The following AFAP1 variants were observed in gnomAD, a reference collection of about 807,000 sequenced individuals.
AFAP1 encodes the protein actin filament-associated protein 1.
AFAP1 carries 75 observed loss-of-function variants against 93.9 expected under a neutral mutation model. The ratio of observed to expected loss-of-function variants is 0.80; its 90% CI spans 0.66 to 0.97. The LOEUF (loss-of-function observed/expected upper bound fraction) is 0.97. Ranked by LOEUF, AFAP1 falls within the 50% of genes least tolerant of loss-of-function variation. The pLI is 0.00. For synonymous variants in AFAP1, 517 were observed against 430.7 expected (o/e 1.20, Z -2.48); for missense variants, 1,201 against 1,050.8 (o/e 1.14, Z -1.98).
intron 1 of AFAP1, among the ~76,000 whole-genome samples, chr4:7,886,277 G>T (rs1319571402): frequency 6.6e-6 from 1 of 152,196 alleles, no homozygotes. Context: ...AACGTCTAAG[G>T]ACTGCTGTAA....
At chr4:7,925,752 G>A (rs1720692772) in intron 1 of AFAP1, among the ~76,000 whole-genome samples, 1 of 152,100 alleles carries the variant, frequency 6.6e-6, no homozygotes, top group African/African-American at 2.4e-5. Context: ...GGCTGAGGCA[G>A]GAGAATCGCT....
At chr4:7,901,410 T>C (rs1383127901) in intron 1 of AFAP1, among the ~76,000 whole-genome samples, 1 of 152,184 alleles carries the variant, frequency 6.6e-6, no homozygotes, top group East Asian at 1.9e-4. Flanking sequence ...ATCACCAGCA[T>C]GTTGGCTCTC....
At chr4:7,786,470 G>A in intron 11 of AFAP1, among the ~76,000 whole-genome samples, 159 bp from the exon 12 acceptor site, 1 of 152,230 alleles carries the variant, frequency 6.6e-6, no homozygotes, top group East Asian at 1.9e-4. Context: ...ATGAGATGAT[G>A]CGCTGGAGGG....
At chr4:7,843,018 T>C in intron 5 of AFAP1, 121 bp downstream of exon 5, 1 of 1,136,552 alleles carries the variant, frequency 8.8e-7, no homozygotes. Flanking sequence ...TCAGGGCACC[T>C]GGCTGACACC....
In AFAP1 at chr4:7,778,907, A is replaced by G. The variant is rs370007010; in HGVS notation, c.1783-31T>C. ...GAAATAAACATATAAGAACATTAAA[A>G]ATAAACACAAAGTCAAACAAATCTT... On this transcript the variant is annotated intron_variant, in intron 13 of 17. Coordinates refer to ENST00000420658, the MANE Select transcript of AFAP1 (RefSeq NM_001134647.2). The G allele has an allele frequency of 1.2e-5, 18 of 1,469,072 alleles. No homozygotes were observed. In the African/African-American group the frequency reaches 2.5e-4, roughly 21 times the overall value. 91.0% of individuals were successfully genotyped at this position (1,469,072 alleles called of 1,614,324 possible). A position where few individuals can be genotyped will look rare whatever the true frequency, so the allele number is the denominator to read the frequency against.
intron 11 of AFAP1, among the ~76,000 whole-genome samples, chr4:7,789,661 C>T (rs1717671022): frequency 2.1e-5 from 3 of 140,512 alleles, no homozygotes; most frequent in Non-Finnish European, 4.6e-5. Flanking sequence ...TGCACCAGCC[C>T]GCTTTCCATC....
chr4:7,815,761 T>C (rs10001508), intron 8 of AFAP1, among the ~76,000 whole-genome samples: 26,870 of 152,040 alleles, frequency 0.18, 2,458 homozygotes, highest in Middle Eastern at 0.22. Flanking sequence ...TCAAAACATA[T>C]GCAGGGCAGA....
intron 9 of AFAP1, among the ~76,000 whole-genome samples, chr4:7,805,189 C>G (rs568910123): frequency 6.6e-6 from 1 of 152,326 alleles, no homozygotes; most frequent in South Asian, 2.1e-4. Context: ...CTGCATGCTA[C>G]AGTGCCTGGC....
intron 1 of AFAP1, among the ~76,000 whole-genome samples, chr4:7,927,734 C>T (rs565832621): frequency 1.3e-5 from 2 of 152,190 alleles, no homozygotes; most frequent in Non-Finnish European, 2.9e-5. Context: ...TACAAAATAG[C>T]TGGAATACAG....
intron 1 of AFAP1, among the ~76,000 whole-genome samples, chr4:7,894,647 G>C (rs1487182193): frequency 6.6e-6 from 1 of 152,158 alleles, no homozygotes; most frequent in Non-Finnish European, 1.5e-5. Context: ...CACCATAACT[G>C]TGTTGGCTCC....
At chr4:7,860,449 T>C (rs1715550116) in intron 3 of AFAP1, among the ~76,000 whole-genome samples, 1 of 152,216 alleles carries the variant, frequency 6.6e-6, no homozygotes, top group African/African-American at 2.4e-5. Context: ...AATTTCCAGA[T>C]TCAGGATGTT....
At position 7,869,182 on chromosome 4, in the gene AFAP1, AAAG is replaced by A. The variant is rs778740852; in HGVS notation, c.128-466_128-464del. ...GAAAGGGAAAAGAAAAGAAAAGAGA[AAAG>A]AAAAGAGGAAGGAAGGAAGGGAGGG... On this transcript the variant is annotated intron_variant, in intron 2 of 17. Transcript: ENST00000420658. Among the ~76,000 whole-genome samples the A allele has an allele frequency of 2.8e-3, 424 of 152,016 alleles. 4 individuals are homozygous for A. The highest frequency in any genetic ancestry group is 9.4e-3 in the African/African-American group (392 of 41,486).
At chr4:7,910,704 G>A (rs1041675722) in intron 1 of AFAP1, among the ~76,000 whole-genome samples, 1 of 152,224 alleles carries the variant, frequency 6.6e-6, no homozygotes, top group African/African-American at 2.4e-5. Flanking sequence ...CCAGTCTCCT[G>A]TTCCACTGAC....
chr4:7,788,305 G>C (rs571396396), intron 11 of AFAP1, among the ~76,000 whole-genome samples: 57 of 152,372 alleles, frequency 3.7e-4, no homozygotes, highest in African/African-American at 1.3e-3. Flanking sequence ...GAGAAACACA[G>C]GGGCAAGTGA....
At chr4:7,857,281 C>T (rs1359465034) in intron 3 of AFAP1, among the ~76,000 whole-genome samples, 1 of 152,108 alleles carries the variant, frequency 6.6e-6, no homozygotes, top group African/African-American at 2.4e-5. Flanking sequence ...GACTCCATCG[C>T]TTTCTATGTA....
rs1560164858 is a variant in AFAP1, at chr4:7,798,101, TTGCAACTCTATTGGCTGGCTCACAGCAC to T, written c.1266+2313_1266+2340del. On this transcript the variant is annotated intron_variant, in intron 10 of 17. Coordinates refer to ENST00000420658, the MANE Select transcript of AFAP1 (RefSeq NM_001134647.2). ...CAACTCTATTGGCTGGCTCACGGCA[TTGCAACTCTATTGGCTGGCTCACAGCAC>T]TGCAACTCTATTGGCTGGCTCACGG... Among the ~76,000 whole-genome samples the T allele has an allele frequency of 8.9e-4, 85 of 95,086 alleles. 3 individuals are homozygous for T. The highest frequency in any genetic ancestry group is 4.9e-3 in the East Asian group (15 of 3,086). The allele number at this position is 95,086 out of a possible 152,430, so 62.4% of individuals were successfully genotyped here. A position where few individuals can be genotyped will look rare whatever the true frequency, so the allele number is the denominator to read the frequency against.
chr4:7,801,059 A>T (rs1051949021), intron 9 of AFAP1, among the ~76,000 whole-genome samples: 1 of 152,238 alleles, frequency 6.6e-6, no homozygotes, highest in African/African-American at 2.4e-5. Flanking sequence ...GAGGAGCTGC[A>T]AATGATACAA....
intron 1 of AFAP1, among the ~76,000 whole-genome samples, chr4:7,875,407 A>C (rs1446359751): frequency 6.6e-6 from 1 of 152,178 alleles, no homozygotes; most frequent in Non-Finnish European, 1.5e-5. Context: ...TACACCTTTC[A>C]ATTAAGGTCT....
intron 4 of AFAP1, among the ~76,000 whole-genome samples, chr4:7,848,096 GAAA>G: frequency 1.1e-5 from 1 of 92,418 alleles, no homozygotes; most frequent in African/African-American, 3.7e-5. Context: ...GGGAGGGAAG[GAAA>G]GAAGGAAGGA....
Sources: gnomAD v4.1 joint callset for allele counts (sites outside exome capture counted in the v4.1 genomes callset) on GRCh38, gnomAD v4.1.1 for gene constraint, MANE v1.5 for transcripts, NCBI Gene and HGNC (gene_info 2026-07-23, HGNC 2026-07-21) for gene names.